The following CALY variants were observed in gnomAD, a reference collection of about 807,000 sequenced individuals.
The protein encoded by CALY is neuron-specific vesicular protein calcyon.
In CALY, 15 loss-of-function variants were observed where a neutral mutation model predicts 20.2. The observed-to-expected ratio is 0.74, with a 90% CI of 0.50 to 1.14. The LOEUF (loss-of-function observed/expected upper bound fraction) is 1.14, where lower values mean the gene tolerates loss of function less well. Ranked by LOEUF, CALY falls within the 50% of genes most tolerant of loss-of-function variation. The probability of loss-of-function intolerance (pLI) is 0.00; values close to 1 mark genes in which losing one functional copy is unlikely to be tolerated. For synonymous variants in CALY, 129 were observed against 131.8 expected (o/e 0.98, Z 0.15); for missense variants, 270 against 304.4 (o/e 0.89, Z 0.84).
chr10:133,336,428 G>A (rs376634849), intron 1 of CALY, among the ~76,000 whole-genome samples: 1 of 147,992 alleles, frequency 6.8e-6, no homozygotes, highest in Non-Finnish European at 1.5e-5. Flanking sequence ...CCCTTCTGTC[G>A]CCCTCCCCAC....
intron 3 of CALY, chr10:133,327,688 G>GTT (rs1247023450): frequency 1.5e-6 from 1 of 645,806 alleles, no homozygotes; most frequent in Non-Finnish European, 2.8e-6. Flanking sequence ...GAGCGCCACT[G>GTT]TTTGGTCAGT....
chr10:133,326,277 G>A (rs1461423556), intron 4 of CALY, 157 bp from the exon 5 acceptor site: 1 of 1,550,442 alleles, frequency 6.4e-7, no homozygotes, highest in South Asian at 1.2e-5. Flanking sequence ...CAGAACTCAG[G>A]GCCCTGGAGG....
intron 1 of CALY, among the ~76,000 whole-genome samples, chr10:133,329,832 G>A (rs1848273980): frequency 6.6e-6 from 1 of 151,094 alleles, no homozygotes. Flanking sequence ...CGCGGTATGG[G>A]ACGTGCTTAT....
At chr10:133,334,617 G>A (rs1348699175) in intron 1 of CALY, among the ~76,000 whole-genome samples, 1 of 151,398 alleles carries the variant, frequency 6.6e-6, no homozygotes, top group Admixed American at 6.6e-5. Flanking sequence ...AGGATCTGAA[G>A]GGGGAAGGAT....
chr10:133,328,098 C>T (rs1322733778), intron 2 of CALY, 83 bp from the exon 3 acceptor site: 9 of 821,816 alleles, frequency 1.1e-5, no homozygotes, highest in South Asian at 2.9e-5. Context: ...AGGGAGCCAG[C>T]GTCAGCTTCG....
chr10:133,328,367 C>T (rs1848248453), intron 2 of CALY, among the ~76,000 whole-genome samples: 2 of 152,288 alleles, frequency 1.3e-5, no homozygotes, highest in South Asian at 4.1e-4. Context: ...GCTGCCCCCA[C>T]CTCCAGCAGG....
chr10:133,326,935 G>T lies in CALY; in HGVS notation c.303C>A (p.Ile101=). Residue 101 remains isoleucine, a synonymous_variant, in exon 4 of 6, where the codon ATC becomes ATA. Coordinates refer to ENST00000252939, the MANE Select transcript of CALY (RefSeq NM_015722.4). ...GGTCGTACCAGATGGCCTTGTACAT[G>T]ATCAGCACGCAGCCCAGTAGCGCCA... The part of the protein sequence containing the change: ...FAMALLGCVL[I]MYKAIWYDQF... 1 of 1,611,382 alleles carries T rather than the reference G, an allele frequency of 6.2e-7. No individual in the cohort carries two copies.
In CALY at chr10:133,324,934, GC is replaced by G; in HGVS notation, c.*660del. ...ATCAGGCCCCACTCCCCACTCAGACGCCCCCATTCACTCCTTTCTTCACTTG... is the reference window on the plus strand; with the variant it reads ...ATCAGGCCCCACTCCCCACTCAGACGCCCCATTCACTCCTTTCTTCACTTG... On this transcript the variant is annotated 3_prime_UTR_variant, in exon 6 of 6. Transcript: ENST00000252939. 4.7e-6 allele frequency: 1 copy of G among 215,052 alleles called. No homozygotes were observed. Among genetic ancestry groups the G allele is most frequent in the Non-Finnish European group, 9.5e-6 (1 of 105,404 alleles). 13.3% of individuals were successfully genotyped at this position (215,052 alleles called of 1,614,324 possible).
chr10:133,326,114 T>A lies in CALY; in HGVS notation c.367A>T (p.Ile123Phe), dbSNP rs752374601. 8 of 1,595,420 alleles carry A rather than the reference T, an allele frequency of 5.0e-6. No homozygotes were observed. The highest frequency in any genetic ancestry group is 6.9e-6 in the Non-Finnish European group (8 of 1,167,674). The change falls in exon 5 of 6, where the codon ATC (isoleucine) becomes TTC (phenylalanine). Residue 123 changes from isoleucine to phenylalanine, a missense_variant. By Grantham distance (21) the Ile-to-Phe change is conservative. Coordinates refer to ENST00000252939, the MANE Select transcript of CALY (RefSeq NM_015722.4). ...CPDGFLLRHK[I>F]CTPLTLEMYY... ...ATCTCCAGGGTCAGCGGCGTGCAGA[T>A]CTTGTGCTGCGGGAGGGGCCGGGTC...
intron 4 of CALY, 99 bp from the exon 5 acceptor site, chr10:133,326,219 T>C (rs1848207112): frequency 3.9e-6 from 6 of 1,551,872 alleles, no homozygotes; most frequent in Non-Finnish European, 3.5e-6. Flanking sequence ...CTGCGGACAG[T>C]TTGTAATGGA....
chr10:133,328,943 G>A lies in CALY; in HGVS notation c.47C>T (p.Pro16Leu). The change falls in exon 2 of 6, where the codon CCT (proline) becomes CTT (leucine). Residue 16 changes from proline to leucine, a missense_variant. Pro to Leu is a moderately conservative substitution (Grantham distance 98, BLOSUM62 -3). Transcript: ENST00000252939. ...CATGGCAGCCCCATCCTGGTCCCCA[G>A]GGTCTTTACCTGGCTTCCCAGAGAA... ...CSFSGKPGKDPGDQDGAAMDS... is the reference protein window; with the variant it reads ...CSFSGKPGKDLGDQDGAAMDS... 1 of 1,563,736 alleles carries A rather than the reference G, an allele frequency of 6.4e-7. No individual in the cohort carries two copies. The highest frequency in any genetic ancestry group is 2.4e-5 in the East Asian group (1 of 42,380).
At chr10:133,326,853 C>T in intron 4 of CALY, 25 bp downstream of exon 4, 3 of 1,516,840 alleles carry the variant, frequency 2.0e-6, no homozygotes, top group Non-Finnish European at 2.7e-6. Flanking sequence ...CTCTACACCC[C>T]CCACCAGAGC....
At chr10:133,327,753 C>T (rs865807221) in intron 3 of CALY, 152 bp downstream of exon 3, 1 of 717,824 alleles carries the variant, frequency 1.4e-6, no homozygotes, top group African/African-American at 1.7e-5. Flanking sequence ...CCGGTGGGGC[C>T]AGCTCTGGGC....
Position 133,324,518 on chromosome 10 carries a change from G to C in CALY, c.*1077C>G. The C allele has an allele frequency of 2.5e-6, 1 of 404,472 alleles. No homozygotes were observed. The highest frequency in any genetic ancestry group is 1.7e-5 in the South Asian group (1 of 57,676). The allele number at this position is 404,472 out of a possible 1,614,324, so 25.1% of individuals were successfully genotyped here. On this transcript the variant is annotated 3_prime_UTR_variant, in exon 6 of 6. Coordinates refer to ENST00000252939, the MANE Select transcript of CALY (RefSeq NM_015722.4). ...GCTGGCTGGGGTGGGCGGGGCTGCA[G>C]TGCTGCAATTGGCTGGGGTGGGCGG...
chr10:133,333,046 C>T (rs1466778190), intron 1 of CALY, among the ~76,000 whole-genome samples: 1 of 151,878 alleles, frequency 6.6e-6, no homozygotes, highest in Non-Finnish European at 1.5e-5. Context: ...CAATTAACTG[C>T]CAGAGCCAGC....
intron 1 of CALY, among the ~76,000 whole-genome samples, chr10:133,336,187 G>A (rs1463382252): frequency 6.6e-6 from 1 of 152,180 alleles, no homozygotes; most frequent in Non-Finnish European, 1.5e-5. Flanking sequence ...AAAGGCAGCT[G>A]CACTGCGGGG....
intron 1 of CALY, among the ~76,000 whole-genome samples, chr10:133,329,727 C>T (rs1291363840): frequency 6.6e-6 from 1 of 152,152 alleles, no homozygotes; most frequent in African/African-American, 2.4e-5. Context: ...AGCTGGGTGC[C>T]AGACTCAGCA....
At chr10:133,327,400 T>G in intron 3 of CALY, 1 of 489,872 alleles carries the variant, frequency 2.0e-6, no homozygotes, top group Non-Finnish European at 3.6e-6. Flanking sequence ...TAACATGAGC[T>G]GCAGACTGGA....
At chr10:133,326,823 G>T in intron 4 of CALY, 55 bp downstream of exon 4, 1 of 1,210,392 alleles carries the variant, frequency 8.3e-7, no homozygotes, top group Non-Finnish European at 1.2e-6. Context: ...CCTGCCTGGA[G>T]GCTACGGGAG....
Sources: allele counts gnomAD v4.1 joint callset (sites outside exome capture counted in the v4.1 genomes callset), GRCh38; gene constraint gnomAD v4.1.1; transcripts MANE v1.5; gene names NCBI Gene and HGNC (gene_info 2026-07-23, HGNC 2026-07-21).